The following OSBP2 variants were observed in gnomAD, a reference collection of about 807,000 sequenced individuals.
OSBP2 encodes the protein oxysterol binding protein 2, also known as oxysterol-binding protein 2.
A neutral mutation model predicts 96.0 loss-of-function variants in OSBP2; 66 were observed. That is an observed-to-expected ratio of 0.69 (90% CI 0.56 to 0.84). The LOEUF (loss-of-function observed/expected upper bound fraction) is 0.84, where lower values mean the gene tolerates loss of function less well. Ranked by LOEUF, OSBP2 falls within the 40% of genes least tolerant of loss-of-function variation. The pLI, the probability that OSBP2 is intolerant of heterozygous loss-of-function variation, is 0.00. For synonymous variants in OSBP2, 525 were observed against 520.9 expected (o/e 1.01, Z -0.11); for missense variants, 1,038 against 1,222.7 (o/e 0.85, Z 2.25).
At chr22:30,816,429 T>C (rs527597686) in intron 2 of OSBP2, among the ~76,000 whole-genome samples, 2 of 152,298 alleles carry the variant, frequency 1.3e-5, no homozygotes, top group Non-Finnish European at 2.9e-5. Context: ...AGCAATAGAA[T>C]GGGCCTGAGA....
chr22:30,888,323 C>T lies in OSBP2; in HGVS notation c.1401C>T (p.Thr467=), dbSNP rs537094480. The part of the protein sequence containing the change: ...EDSTSFITVI[T]EAKEDSRKAE... Reference sequence around the variant, plus strand: ...CCACATCCTTCATCACCGTGATCACCGAGGCCAAGGAAGACAGGTAAGGTG... The same window carrying T: ...CCACATCCTTCATCACCGTGATCACTGAGGCCAAGGAAGACAGGTAAGGTG... The change falls in exon 5 of 14, where the codon ACC becomes ACT. Residue 467 remains threonine, a synonymous_variant. Coordinates refer to ENST00000332585, the MANE Select transcript of OSBP2 (RefSeq NM_030758.4). 25 of 1,611,576 alleles carry T rather than the reference C, an allele frequency of 1.6e-5. No individual in the cohort carries two copies. The highest frequency in any genetic ancestry group is 1.0e-4 in the Admixed American group (6 of 60,012).
chr22:30,793,208 G>A (rs996506618), intron 2 of OSBP2, among the ~76,000 whole-genome samples: 1 of 151,946 alleles, frequency 6.6e-6, no homozygotes, highest in African/African-American at 2.4e-5. Context: ...TGGTCAACAT[G>A]GTGAAAACCC....
chr22:30,749,306 C>T (rs1165258803), intron 2 of OSBP2, among the ~76,000 whole-genome samples: 2 of 152,168 alleles, frequency 1.3e-5, no homozygotes, highest in Non-Finnish European at 2.9e-5. Context: ...TTTTAAAGTA[C>T]TGGGACATTT....
At chr22:30,883,721 C>T (rs1225409365) in intron 3 of OSBP2, among the ~76,000 whole-genome samples, 1 of 152,122 alleles carries the variant, frequency 6.6e-6, no homozygotes, top group Non-Finnish European at 1.5e-5. Context: ...CTCTGTCTAC[C>T]CAACTCATGG....
At chr22:30,876,154 A>C (rs2039573803) in intron 3 of OSBP2, among the ~76,000 whole-genome samples, 1 of 152,266 alleles carries the variant, frequency 6.6e-6, no homozygotes, top group Non-Finnish European at 1.5e-5. Context: ...AATGGGAAGT[A>C]GGCTTTCTCC....
chr22:30,745,579 A>G (rs2089989019), intron 2 of OSBP2, among the ~76,000 whole-genome samples: 1 of 151,818 alleles, frequency 6.6e-6, no homozygotes, highest in Non-Finnish European at 1.5e-5. Flanking sequence ...AGGCAGGAGA[A>G]TCACTTGAAC....
chr22:30,887,759 G>A (rs573236990), intron 4 of OSBP2, 141 bp downstream of exon 4: 157 of 679,252 alleles, frequency 2.3e-4, no homozygotes, highest in African/African-American at 2.3e-3. Context: ...CTGCCTCTTC[G>A]TGGTTTTGTA....
intron 1 of OSBP2, among the ~76,000 whole-genome samples, chr22:30,722,787 CTTTT>C (rs34874706): frequency 3.1e-5 from 3 of 95,882 alleles, no homozygotes; most frequent in African/African-American, 4.1e-5. Flanking sequence ...CTCTCTCTGT[CTTTT>C]TTTTTTTTTT....
intron 1 of OSBP2, among the ~76,000 whole-genome samples, chr22:30,730,400 C>T (rs1234730555): frequency 2.6e-5 from 4 of 152,114 alleles, no homozygotes; most frequent in Admixed American, 2.0e-4. Flanking sequence ...TATTTCCCCC[C>T]ACTTATTGTT....
chr22:30,863,976 GTTT>G (rs910786315), intron 2 of OSBP2, among the ~76,000 whole-genome samples: 1 of 143,696 alleles, frequency 7.0e-6, no homozygotes, highest in Non-Finnish European at 1.5e-5. Context: ...TTTTTTTGTT[GTTT>G]TTTTTTTTTG....
intron 2 of OSBP2, among the ~76,000 whole-genome samples, chr22:30,804,184 T>C (rs2090895282): frequency 6.6e-6 from 1 of 152,100 alleles, no homozygotes; most frequent in Non-Finnish European, 1.5e-5. Context: ...AAAAGGGATT[T>C]GGTGTGTTGG....
intron 3 of OSBP2, among the ~76,000 whole-genome samples, chr22:30,875,881 G>A (rs1468621395): frequency 6.6e-6 from 1 of 152,246 alleles, no homozygotes; most frequent in Non-Finnish European, 1.5e-5. Flanking sequence ...GCCTGTGCCA[G>A]GCAGGGACTC....
At chr22:30,746,636 C>G (rs2090004837) in intron 2 of OSBP2, among the ~76,000 whole-genome samples, 1 of 151,772 alleles carries the variant, frequency 6.6e-6, no homozygotes, top group Non-Finnish European at 1.5e-5. Context: ...ATTACAGGCA[C>G]CTACCACCAC....
chr22:30,694,387 A>C, upstream of OSBP2: 3 of 1,498,370 alleles, frequency 2.0e-6, no homozygotes, highest in Non-Finnish European at 1.8e-6. Context: ...TTTAGCCTTT[A>C]GCGCCCCTGT....
At chr22:30,757,781 A>T (rs1202921321) in intron 2 of OSBP2, among the ~76,000 whole-genome samples, 1 of 151,968 alleles carries the variant, frequency 6.6e-6, no homozygotes, top group Non-Finnish European at 1.5e-5. Context: ...ACTGCATATG[A>T]CCCACCACTC....
intron 2 of OSBP2, among the ~76,000 whole-genome samples, chr22:30,787,467 G>A (rs9621097): frequency 0.094 from 14,319 of 152,118 alleles, 857 homozygotes; most frequent in Non-Finnish European, 0.14. Context: ...GGGGTCAGGA[G>A]TTCCAGACCA....
At chr22:30,715,475 C>T (rs1018278241) in intron 1 of OSBP2, among the ~76,000 whole-genome samples, 1 of 151,222 alleles carries the variant, frequency 6.6e-6, no homozygotes, top group African/African-American at 2.4e-5. Flanking sequence ...CTCTGGGGCT[C>T]AAGTGATCCT....
intron 2 of OSBP2, among the ~76,000 whole-genome samples, chr22:30,788,584 C>T (rs1410420573): frequency 6.6e-6 from 1 of 152,182 alleles, no homozygotes; most frequent in East Asian, 1.9e-4. Flanking sequence ...TTACATGTGT[C>T]CTTTCATGAA....
At position 30,871,642 on chromosome 22, in the gene OSBP2, G is replaced by A. The variant is rs2039461544; in HGVS notation, c.1107+960G>A. 6.6e-6 allele frequency among the ~76,000 whole-genome samples: 1 copy of A among 152,044 alleles called. No individual in the cohort carries two copies. The highest frequency in any genetic ancestry group is 2.1e-4 in the South Asian group (1 of 4,824). The stretch of plus-strand genomic sequence containing the variant: ...GCTGGGGACAGTGGGCAGTGCTGGT[G>A]CCTGGGTGACCTCCAGCTGGGGGAC... On this transcript the variant is annotated intron_variant, in intron 3 of 13. Transcript: ENST00000332585. The surrounding 1 kb of genome is among the most constrained non-coding windows in gnomAD (Gnocchi z 4.7).
Sources: allele counts gnomAD v4.1 joint callset (sites outside exome capture counted in the v4.1 genomes callset), GRCh38; gene constraint gnomAD v4.1.1; non-coding constraint Gnocchi (gnomAD v3.1); transcripts MANE v1.5; gene names NCBI Gene and HGNC (gene_info 2026-07-23, HGNC 2026-07-21).